The following BST1 variants were observed in gnomAD, a reference collection of about 807,000 sequenced individuals.
BST1 encodes the protein ADP-ribosyl cyclase/cyclic ADP-ribose hydrolase 2.
In BST1, 49 loss-of-function variants were observed where a neutral mutation model predicts 40.6. The observed-to-expected ratio is 1.21, with a 90% CI of 0.96 to 1.53. The LOEUF (loss-of-function observed/expected upper bound fraction) is 1.53. BST1 is among the 40% of genes most tolerant of loss of function. The pLI, the probability that BST1 is intolerant of heterozygous loss-of-function variation, is 0.00. For synonymous variants in BST1, 157 were observed against 159.3 expected (o/e 0.99, Z 0.11); for missense variants, 423 against 395.9 (o/e 1.07, Z -0.58).
chr4:15,752,599 G>A, the BST1 span, among the ~76,000 whole-genome samples: 3 of 151,864 alleles, frequency 2.0e-5, no homozygotes, highest in Non-Finnish European at 4.4e-5. Flanking sequence ...TGTTGGTCAG[G>A]CTGGTCTCAA....
At chr4:15,764,734 C>T in the BST1 span, among the ~76,000 whole-genome samples, 2 of 151,892 alleles carry the variant, frequency 1.3e-5, no homozygotes, top group African/African-American at 4.9e-5. Flanking sequence ...GGCCTCCACC[C>T]CCAAGATCAG....
downstream of BST1, chr4:15,735,984 T>C (rs1721546016): frequency 1.3e-5 from 12 of 948,624 alleles, no homozygotes; most frequent in South Asian, 1.6e-4. Context: ...GCAAATCTCA[T>C]CTGTCATACT....
chr4:15,761,852 T>C, the BST1 span, among the ~76,000 whole-genome samples: 503 of 152,114 alleles, frequency 3.3e-3, 2 homozygotes, highest in Non-Finnish European at 5.2e-3. Flanking sequence ...AGTGAGCTTT[T>C]GTTACATGAT....
the BST1 span, among the ~76,000 whole-genome samples, chr4:15,754,901 T>G: frequency 6.6e-6 from 1 of 152,180 alleles, no homozygotes; most frequent in Admixed American, 6.5e-5. Context: ...CACAAGCACA[T>G]ACAAATACAT....
Position 15,731,188 on chromosome 4 carries a change from T to G in BST1, c.852-552T>G, listed in dbSNP as rs761830431. On this transcript the variant is annotated intron_variant, in intron 8 of 8. Transcript: ENST00000265016. ...GATTACGGACTTCATCTCATCCACTTTGGCCACCATGTTTTCCTTGTGTGT... is the reference window on the plus strand; with the variant it reads ...GATTACGGACTTCATCTCATCCACTGTGGCCACCATGTTTTCCTTGTGTGT... 158 of 433,826 alleles carry G rather than the reference T, an allele frequency of 3.6e-4. 1 individual carries two copies. The highest frequency in any genetic ancestry group is 7.7e-4 in the Middle Eastern group (1 of 1,306). 26.9% of individuals were successfully genotyped at this position (433,826 alleles called of 1,614,324 possible).
chr4:15,755,035 T>G, the BST1 span, among the ~76,000 whole-genome samples: 1 of 152,254 alleles, frequency 6.6e-6, no homozygotes, highest in Admixed American at 6.5e-5. Context: ...TCACTTTATT[T>G]TTTACAGCTG....
chr4:15,715,518 G>A (rs1239942016), intron 5 of BST1, among the ~76,000 whole-genome samples, 157 bp downstream of exon 5: 1 of 152,176 alleles, frequency 6.6e-6, no homozygotes, highest in African/African-American at 2.4e-5. Context: ...GGTGATCAGA[G>A]CCATGTCTAT....
chr4:15,722,166 A>G (rs987376182), intron 7 of BST1, among the ~76,000 whole-genome samples: 1 of 152,214 alleles, frequency 6.6e-6, no homozygotes, highest in Admixed American at 6.5e-5. Flanking sequence ...ATCAGGTCAT[A>G]CGAGTTGTAC....
At chr4:15,726,810 C>T (rs1371466614) in intron 8 of BST1, among the ~76,000 whole-genome samples, 2 of 152,022 alleles carry the variant, frequency 1.3e-5, no homozygotes, top group African/African-American at 4.8e-5. Context: ...CTTGGGTTAG[C>T]TCCCCTGCTG....
At chr4:15,763,721 T>C in the BST1 span, among the ~76,000 whole-genome samples, 1 of 151,950 alleles carries the variant, frequency 6.6e-6, no homozygotes, top group Non-Finnish European at 1.5e-5. Context: ...TCCAGACAAA[T>C]GAATATTATT....
At chr4:15,717,802 G>C (rs1720592193) in intron 6 of BST1, among the ~76,000 whole-genome samples, 1 of 152,222 alleles carries the variant, frequency 6.6e-6, no homozygotes, top group Admixed American at 6.5e-5. Flanking sequence ...AGGTCAGCAA[G>C]AGACTAGCTG....
At position 15,717,782 on chromosome 4, in the gene BST1, T is replaced by G. The variant is rs372187599; in HGVS notation, c.705-1125T>G. Among the ~76,000 whole-genome samples, 68 of 152,328 alleles carry G rather than the reference T, an allele frequency of 4.5e-4. 1 individual carries two copies. Among genetic ancestry groups the G allele is most frequent in the African/African-American group, 1.6e-3 (67 of 41,578 alleles). On this transcript the variant is annotated intron_variant, in intron 6 of 8. Coordinates refer to ENST00000265016, the MANE Select transcript of BST1 (RefSeq NM_004334.3). ...AAAGTATGAAAATATGTTGCAAGGA[T>G]GCAACTGGCAGGTCAGCAAGAGACT...
At chr4:15,726,540 T>C (rs1721122939) in intron 8 of BST1, among the ~76,000 whole-genome samples, 2 of 152,212 alleles carry the variant, frequency 1.3e-5, no homozygotes, top group African/African-American at 2.4e-5. Flanking sequence ...GGCTCACTTA[T>C]GTGGAAAAGG....
the BST1 span, among the ~76,000 whole-genome samples, chr4:15,747,481 G>A: frequency 1.3e-3 from 204 of 152,096 alleles, 1 homozygote; most frequent in African/African-American, 4.5e-3. Flanking sequence ...AAACCACTTC[G>A]GAGTTTTTCC....
chr4:15,713,696 T>G (rs1485873079), intron 4 of BST1, among the ~76,000 whole-genome samples: 1 of 152,078 alleles, frequency 6.6e-6, no homozygotes, highest in Non-Finnish European at 1.5e-5. Context: ...GGCATACTTT[T>G]TATTTTTATT....
the BST1 span, among the ~76,000 whole-genome samples, chr4:15,747,912 A>G: frequency 6.6e-6 from 1 of 152,170 alleles, no homozygotes. Flanking sequence ...CCTGGCCTCA[A>G]GCAATCCTTC....
chr4:15,705,373 C>T (rs1483701982), intron 1 of BST1, 142 bp from the exon 2 acceptor site: 3 of 959,988 alleles, frequency 3.1e-6, no homozygotes, highest in Admixed American at 2.5e-5. Context: ...TAAGCCATGA[C>T]AATTCGTTGT....
intron 7 of BST1, among the ~76,000 whole-genome samples, chr4:15,720,124 C>A (rs1040541653): frequency 3.3e-5 from 5 of 152,066 alleles, no homozygotes; most frequent in Non-Finnish European, 7.4e-5. Flanking sequence ...TCCCATTGGC[C>A]TCTTTTGGTC....
the BST1 span, among the ~76,000 whole-genome samples, chr4:15,769,605 A>G: frequency 6.6e-6 from 1 of 152,142 alleles, no homozygotes; most frequent in Non-Finnish European, 1.5e-5. Context: ...TTGGGAGAGG[A>G]CATATGGCCT....
Sources: gnomAD v4.1 joint callset for allele counts (sites outside exome capture counted in the v4.1 genomes callset) on GRCh38, gnomAD v4.1.1 for gene constraint, MANE v1.5 for transcripts, NCBI Gene and HGNC (gene_info 2026-07-23, HGNC 2026-07-21) for gene names.